Variants in CELF2 observed in about 807,000 individuals in gnomAD.
The protein encoded by CELF2 is CUGBP Elav-like family member 2, also known as CUG triplet repeat RNA-binding protein 2.
In CELF2, 8 loss-of-function variants were observed where a neutral mutation model predicts 62.6. The ratio of observed to expected loss-of-function variants is 0.13; its 90% CI spans 0.07 to 0.23. The LOEUF (loss-of-function observed/expected upper bound fraction) is 0.23. Ranked by LOEUF, CELF2 falls within the 10% of genes least tolerant of loss-of-function variation. The pLI is 1.00. For synonymous variants in CELF2, 258 were observed against 250.0 expected, an observed-to-expected ratio of 1.03 and a Z score of -0.30; for missense variants, 333 against 671.0, an observed-to-expected ratio of 0.50 and a Z score of 5.56.
intron 1 of CELF2, among the ~76,000 whole-genome samples, chr10:11,070,712 T>C (rs914211853): frequency 9.9e-5 from 15 of 152,082 alleles, no homozygotes; most frequent in African/African-American, 3.6e-4. Context: ...GATGAGCTTG[T>C]GAAGGAGACG....
chr10:11,026,474 A>T (rs2059230605), intron 1 of CELF2, among the ~76,000 whole-genome samples: 1 of 152,160 alleles, frequency 6.6e-6, no homozygotes, highest in African/African-American at 2.4e-5. Flanking sequence ...GGTCCTTGAA[A>T]ACTCTTAGGG....
the CELF2 span, among the ~76,000 whole-genome samples, chr10:10,750,728 T>C: frequency 2.0e-5 from 3 of 152,238 alleles, no homozygotes; most frequent in Non-Finnish European, 4.4e-5. Context: ...AAAACTTTTG[T>C]CACAAATTCT....
intron 2 of CELF2, among the ~76,000 whole-genome samples, chr10:10,921,039 C>A (rs866800693): frequency 6.6e-6 from 1 of 151,976 alleles, no homozygotes; most frequent in Non-Finnish European, 1.5e-5. Flanking sequence ...ACTGCAACTT[C>A]CACCTCCCAG....
intron 1 of CELF2, among the ~76,000 whole-genome samples, chr10:11,088,687 C>T (rs1054743639): frequency 3.3e-5 from 5 of 152,184 alleles, no homozygotes; most frequent in Non-Finnish European, 5.9e-5. Flanking sequence ...TGCTGTGTAA[C>T]ACATCATCCC....
the CELF2 span, among the ~76,000 whole-genome samples, chr10:10,514,468 A>C: frequency 6.6e-6 from 1 of 152,168 alleles, no homozygotes; most frequent in South Asian, 2.1e-4. Context: ...ATCACCAGGA[A>C]CTTACTTGAA....
At chr10:11,221,707 A>G (rs181081718) in intron 3 of CELF2, among the ~76,000 whole-genome samples, 11 of 152,360 alleles carry the variant, frequency 7.2e-5, no homozygotes, top group Non-Finnish European at 1.6e-4. Context: ...TGCGGAATCT[A>G]AATGTCTTGT....
intron 2 of CELF2, among the ~76,000 whole-genome samples, chr10:11,175,948 C>T (rs1431641300): frequency 1.3e-5 from 2 of 152,128 alleles, no homozygotes; most frequent in African/African-American, 4.8e-5. Context: ...ACAATTACCT[C>T]GAAATGTAAA....
In CELF2 at chr10:11,039,248, G is replaced by T. The variant is rs1001524163; in HGVS notation, c.74+21085G>T. ...ACAGAGTGGGTCAAACACATCAGAT[G>T]AGATAGGAAGAAAAGTGGAGAATGC... On this transcript the variant is annotated intron_variant, in intron 1 of 12. Transcript: ENST00000633077. The surrounding 1 kb of genome is among the most constrained non-coding windows in gnomAD (Gnocchi z 4.1). 6.6e-6 allele frequency among the ~76,000 whole-genome samples: 1 copy of T among 152,198 alleles called. No homozygotes were observed. Among genetic ancestry groups the T allele is most frequent in the African/African-American group, 2.4e-5 (1 of 41,444 alleles).
intron 1 of CELF2, among the ~76,000 whole-genome samples, chr10:11,065,358 C>G (rs138932295): frequency 6.6e-6 from 1 of 152,164 alleles, no homozygotes; most frequent in Non-Finnish European, 1.5e-5. Context: ...GTAGATCTGA[C>G]GGTAAATTCT....
the CELF2 span, among the ~76,000 whole-genome samples, chr10:10,557,413 A>G: frequency 2.1e-4 from 32 of 148,992 alleles, no homozygotes; most frequent in African/African-American, 5.3e-4. Context: ...TGGTACCAGT[A>G]CCATGCTGTT....
chr10:10,549,838 A>G, the CELF2 span, among the ~76,000 whole-genome samples: 1 of 152,202 alleles, frequency 6.6e-6, no homozygotes, highest in Non-Finnish European at 1.5e-5. Context: ...GACACAATCC[A>G]GCTCATAAAA....
chr10:10,908,252 C>G (rs1233033407), intron 1 of CELF2, among the ~76,000 whole-genome samples: 3 of 78,050 alleles, frequency 3.8e-5, no homozygotes, highest in Non-Finnish European at 7.0e-5. Flanking sequence ...CAGAGTCTTG[C>G]TCTGTCGCCG....
At chr10:11,293,120 A>AC (rs1242205983) in intron 9 of CELF2, among the ~76,000 whole-genome samples, 1 of 151,850 alleles carries the variant, frequency 6.6e-6, no homozygotes, top group Non-Finnish European at 1.5e-5. Flanking sequence ...AGATCAGGCC[A>AC]CCCCCCGTAG....
chr10:11,034,299 A>T (rs1021236324), intron 1 of CELF2, among the ~76,000 whole-genome samples: 2 of 152,174 alleles, frequency 1.3e-5, no homozygotes, highest in Non-Finnish European at 2.9e-5. Context: ...TAAGACCTTC[A>T]TTCCTTATTC....
At chr10:11,138,850 A>AT (rs2060850900) in intron 1 of CELF2, among the ~76,000 whole-genome samples, 1 of 152,194 alleles carries the variant, frequency 6.6e-6, no homozygotes, top group South Asian at 2.1e-4. Flanking sequence ...ACGGCCATAA[A>AT]TTATCAAGTG....
the CELF2 span, among the ~76,000 whole-genome samples, chr10:10,516,013 T>A: frequency 6.6e-6 from 1 of 152,170 alleles, no homozygotes; most frequent in Non-Finnish European, 1.5e-5. Context: ...TGAGACTATG[T>A]CAGTGTACTA....
chr10:10,790,277 G>A, the CELF2 span, among the ~76,000 whole-genome samples: 7 of 151,824 alleles, frequency 4.6e-5, no homozygotes, highest in African/African-American at 1.5e-4. Context: ...ATTTGTTAAC[G>A]TTTGTGCTAA....
intron 1 of CELF2, among the ~76,000 whole-genome samples, chr10:11,162,583 G>A (rs891525319): frequency 5.4e-5 from 8 of 147,488 alleles, no homozygotes; most frequent in African/African-American, 1.8e-4. Context: ...GTAAATGTAG[G>A]TTTCAAAGTA....
intron 1 of CELF2, among the ~76,000 whole-genome samples, chr10:11,106,206 AT>A (rs1180499121): frequency 1.0e-5 from 1 of 95,900 alleles, no homozygotes; most frequent in Non-Finnish European, 2.3e-5. Context: ...ATTTTACTTT[AT>A]TTTATTTATT....
Sources: allele counts gnomAD v4.1 joint callset (sites outside exome capture counted in the v4.1 genomes callset), GRCh38; gene constraint gnomAD v4.1.1; non-coding constraint Gnocchi (gnomAD v3.1); transcripts MANE v1.5; gene names NCBI Gene and HGNC (gene_info 2026-07-23, HGNC 2026-07-21).